The following GAB2 variants were observed in gnomAD, a reference collection of about 807,000 sequenced individuals.
GAB2 encodes GRB2 associated binding protein 2, also known as GRB2-associated-binding protein 2.
GAB2 carries 26 observed loss-of-function variants against 65.5 expected under a neutral mutation model. That is an observed-to-expected ratio of 0.40 (90% CI 0.29 to 0.55). The LOEUF (loss-of-function observed/expected upper bound fraction) is 0.55. GAB2 is among the 20% of genes least tolerant of loss of function. The probability of loss-of-function intolerance (pLI) is 0.53; values close to 1 mark genes in which losing one functional copy is unlikely to be tolerated. For missense variants in GAB2, 884 were observed against 875.8 expected (o/e 1.01, Z -0.12); for synonymous variants, 321 against 329.6 (o/e 0.97, Z 0.28).
Position 78,225,100 on chromosome 11 carries a change from A to C in GAB2, c.1302+8T>G, listed in dbSNP as rs754398951. The C allele has an allele frequency of 2.5e-6, 4 of 1,596,612 alleles. No individual in the cohort carries two copies. The highest frequency in any genetic ancestry group is 2.2e-5 in the South Asian group (2 of 90,722). On this transcript the variant is annotated splice_region_variant and intron_variant, in intron 5 of 9. Transcript: ENST00000361507. ...GGCCTGAGGACCCTTGGGTTAACCC[A>C]CACTCACCAGGAAAGAGCCAACTCC...
At chr11:78,289,806 A>G (rs1866601886) in intron 1 of GAB2, among the ~76,000 whole-genome samples, 1 of 147,946 alleles carries the variant, frequency 6.8e-6, no homozygotes, top group African/African-American at 2.5e-5. Context: ...GGAAAGGAAG[A>G]ACAGGACCTT....
chr11:78,310,058 G>C (rs1349475128), intron 1 of GAB2, among the ~76,000 whole-genome samples: 1 of 151,766 alleles, frequency 6.6e-6, no homozygotes, highest in East Asian at 1.9e-4. Context: ...AGAGGGCAGA[G>C]GACAGGTATA....
chr11:78,383,467 G>T (rs149165617), intron 1 of GAB2, among the ~76,000 whole-genome samples: 1 of 150,808 alleles, frequency 6.6e-6, no homozygotes, highest in Non-Finnish European at 1.5e-5. Flanking sequence ...GGTCTCAGCC[G>T]TGTGTGGTGG....
intron 2 of GAB2, among the ~76,000 whole-genome samples, chr11:78,271,779 G>A (rs911907643): frequency 1.3e-5 from 2 of 152,218 alleles, no homozygotes; most frequent in African/African-American, 4.8e-5. Flanking sequence ...GATCACTTGA[G>A]CCCAGGAGTT....
At chr11:78,239,642 C>G (rs1865073921) in intron 3 of GAB2, among the ~76,000 whole-genome samples, 2 of 152,190 alleles carry the variant, frequency 1.3e-5, no homozygotes, top group Admixed American at 1.3e-4. Flanking sequence ...AGGAAACACA[C>G]TAGGCCTTCA....
At chr11:78,289,308 TA>T (rs1434924785) in intron 1 of GAB2, among the ~76,000 whole-genome samples, 1 of 152,142 alleles carries the variant, frequency 6.6e-6, no homozygotes, top group Non-Finnish European at 1.5e-5. Context: ...CAAGCATCCA[TA>T]GGGGAGTAAA....
At chr11:78,330,755 A>C (rs1359894973) in intron 1 of GAB2, among the ~76,000 whole-genome samples, 1 of 151,674 alleles carries the variant, frequency 6.6e-6, no homozygotes, top group Non-Finnish European at 1.5e-5. Context: ...GGTGCTTCCC[A>C]TATGTTATTT....
Position 78,226,611 on chromosome 11 carries a change from C to CGGGGGGGGGGGGGGGGG in GAB2, c.1060_1061insCCCCCCCCCCCCCCCCC (p.Arg354ProfsTer79). On this transcript the variant is annotated frameshift_variant, in exon 4 of 10. Coordinates refer to ENST00000361507, the MANE Select transcript of GAB2 (RefSeq NM_080491.3). LOFTEE classifies it high-confidence loss of function. ...TTCTGCCTGACTTGGCTTGGGGGGGCGGGGTGGGGGAGCTATGGCTGAGTC... is the reference window on the plus strand; with the variant it reads ...TTCTGCCTGACTTGGCTTGGGGGGGCGGGGGGGGGGGGGGGGGGGGGTGGGGGAGCTATGGCTGAGTC... 7.1e-6 allele frequency: 2 copies of CGGGGGGGGGGGGGGGGG among 282,920 alleles called. No homozygotes were observed. Among genetic ancestry groups the CGGGGGGGGGGGGGGGGG allele is most frequent in the Non-Finnish European group, 1.3e-5 (2 of 157,900 alleles). 17.5% of individuals were successfully genotyped at this position (282,920 alleles called of 1,614,324 possible).
At position 78,288,396 on chromosome 11, in the gene GAB2, A is replaced by AAG. The variant is rs1444564277; in HGVS notation, c.76-7496_76-7495insCT. 6.1e-3 allele frequency among the ~76,000 whole-genome samples: 914 copies of AAG among 149,842 alleles called. 10 individuals carry two copies. The highest frequency in any genetic ancestry group is 0.021 in the African/African-American group (851 of 40,584). On this transcript the variant is annotated intron_variant, in intron 1 of 9. Transcript: ENST00000361507. ...TCCATCTCAAAGAAAAAAAAAAAAA[A>AAG]AAGAAGAAGAAGAAGAAGAAAGAAA... is the stretch of plus-strand genomic sequence containing the variant.
intron 3 of GAB2, among the ~76,000 whole-genome samples, chr11:78,241,196 A>G (rs1164228989): frequency 6.6e-6 from 1 of 152,246 alleles, no homozygotes; most frequent in Non-Finnish European, 1.5e-5. Context: ...GTTATTGTTG[A>G]TGTTGAACAT....
intron 1 of GAB2, among the ~76,000 whole-genome samples, chr11:78,316,978 C>G (rs1475085533): frequency 6.6e-6 from 1 of 152,204 alleles, no homozygotes; most frequent in Non-Finnish European, 1.5e-5. Context: ...AATTCTGACA[C>G]ATGCTACAGC....
chr11:78,388,451 T>C (rs1445171569), intron 1 of GAB2, among the ~76,000 whole-genome samples: 2 of 152,054 alleles, frequency 1.3e-5, no homozygotes, highest in Non-Finnish European at 2.9e-5. Context: ...CTCAGCCTCC[T>C]GAGTAGCTGG....
chr11:78,413,819 T>C (rs1452041642), intron 1 of GAB2, among the ~76,000 whole-genome samples: 4 of 152,040 alleles, frequency 2.6e-5, no homozygotes. Flanking sequence ...GCGCGGTGGC[T>C]CATGTCTGTC....
chr11:78,300,670 T>TG (rs1866978277), intron 1 of GAB2, among the ~76,000 whole-genome samples: 1 of 147,638 alleles, frequency 6.8e-6, no homozygotes, highest in African/African-American at 2.5e-5. Flanking sequence ...TCTCACTGTG[T>TG]GGTTTTTTTT....
chr11:78,297,564 G>C (rs1183171201), intron 1 of GAB2, among the ~76,000 whole-genome samples: 2 of 152,084 alleles, frequency 1.3e-5, no homozygotes, highest in African/African-American at 2.4e-5. Flanking sequence ...CTCAGGCAGG[G>C]AGAACAGCAT....
In GAB2 at chr11:78,416,779, T is replaced by TA. The variant is rs5792806; in HGVS notation, c.75+866dup. 9.1e-3 allele frequency among the ~76,000 whole-genome samples: 1,063 copies of TA among 116,188 alleles called. 8 individuals carry two copies. The highest frequency in any genetic ancestry group is 0.017 in the African/African-American group (560 of 32,064). The allele number at this position is 116,188 out of a possible 152,430, so 76.2% of individuals were successfully genotyped here. A position where few individuals can be genotyped will look rare whatever the true frequency, so the allele number is the denominator to read the frequency against. On this transcript the variant is annotated intron_variant, in intron 1 of 9. Transcript: ENST00000361507. ...CAAGGCATCCTCTGGGGAGAGGGGT[T>TA]AAAAAAAAAAAAAAAAAAAGCCAGA...
chr11:78,274,035 C>T (rs1218979034), intron 2 of GAB2, among the ~76,000 whole-genome samples: 1 of 151,994 alleles, frequency 6.6e-6, no homozygotes, highest in Non-Finnish European at 1.5e-5. Flanking sequence ...GTAAATTGCC[C>T]AGTCTCAGGT....
intron 1 of GAB2, among the ~76,000 whole-genome samples, chr11:78,360,773 C>T (rs923826449): frequency 6.6e-6 from 1 of 152,074 alleles, no homozygotes; most frequent in African/African-American, 2.4e-5. Flanking sequence ...GCTGGAGAAT[C>T]GCTTGAACTT....
intron 3 of GAB2, among the ~76,000 whole-genome samples, chr11:78,249,553 G>A (rs543844731): frequency 6.6e-6 from 1 of 152,158 alleles, no homozygotes; most frequent in Non-Finnish European, 1.5e-5. Flanking sequence ...CATTATCCTA[G>A]AACAGGGAGT....
Sources: allele counts gnomAD v4.1 joint callset (sites outside exome capture counted in the v4.1 genomes callset), GRCh38; gene constraint gnomAD v4.1.1; transcripts MANE v1.5; gene names NCBI Gene and HGNC (gene_info 2026-07-23, HGNC 2026-07-21).